Variants in SLC25A13 observed in about 807,000 individuals in gnomAD.
SLC25A13 encodes the protein solute carrier family 25 member 13.
Under a neutral mutation model 85.5 loss-of-function variants are expected in SLC25A13, and 70 were observed. That is an observed-to-expected ratio of 0.82 (90% CI 0.68 to 1.00). The LOEUF (loss-of-function observed/expected upper bound fraction) is 1.00. Among genes scored for constraint, SLC25A13 ranks in the 50% least tolerant of loss-of-function variants. The pLI is 0.00. For synonymous variants in SLC25A13, 259 were observed against 288.7 expected, an observed-to-expected ratio of 0.90 and a Z score of 1.04; for missense variants, 765 against 819.8, an observed-to-expected ratio of 0.93 and a Z score of 0.82.
Position 96,277,233 on chromosome 7 carries a change from C to T in SLC25A13, c.175G>A (p.Glu59Lys), listed in dbSNP as rs543029000. 3 of 1,607,472 alleles carry T rather than the reference C, an allele frequency of 1.9e-6. No individual in the cohort carries two copies. The African/African-American group carries it at 4.0e-5, about 21-fold the overall frequency. Residue 59 changes from glutamate (E) to lysine (K), a missense_variant, in exon 3 of 18, where the codon GAA becomes AAA. Glu to Lys is a moderately conservative substitution (Grantham distance 56). Transcript: ENST00000265631. ...TGATCCACCACTCCACTTAAAAGTT[C>T]CACAGTCTTTGGATTAGGCTGGCTT... ...GESQPNPKTV[E>K]LLSGVVDQTK...
At chr7:96,296,695 G>A (rs1446689722) in intron 2 of SLC25A13, among the ~76,000 whole-genome samples, 2 of 152,030 alleles carry the variant, frequency 1.3e-5, no homozygotes, top group Middle Eastern at 3.2e-3. Flanking sequence ...TGGCCAGGCT[G>A]GTCTCAAACT....
intron 3 of SLC25A13, among the ~76,000 whole-genome samples, chr7:96,273,629 C>A (rs1249750897): frequency 2.6e-5 from 4 of 152,048 alleles, no homozygotes; most frequent in Non-Finnish European, 5.9e-5. Context: ...TGTGTGTGTA[C>A]AAAGACAGCA....
intron 3 of SLC25A13, among the ~76,000 whole-genome samples, chr7:96,237,155 G>C (rs537822527): frequency 3.3e-5 from 5 of 152,302 alleles, no homozygotes; most frequent in African/African-American, 1.2e-4. Flanking sequence ...TGTAAGGCTG[G>C]TAGAGAAAGT....
chr7:96,150,417 G>A (rs1262807770), intron 13 of SLC25A13, among the ~76,000 whole-genome samples: 1 of 151,984 alleles, frequency 6.6e-6, no homozygotes, highest in African/African-American at 2.4e-5. Context: ...CCACTCAAGA[G>A]GTACTTTTTG....
intron 9 of SLC25A13, among the ~76,000 whole-genome samples, chr7:96,187,115 T>G (rs1184716127): frequency 6.6e-6 from 1 of 152,234 alleles, no homozygotes; most frequent in African/African-American, 2.4e-5. Flanking sequence ...GCTGCACTTC[T>G]CTGTCTGCAT....
chr7:96,265,059 T>G (rs1379194016), intron 3 of SLC25A13, among the ~76,000 whole-genome samples: 1 of 152,214 alleles, frequency 6.6e-6, no homozygotes, highest in Non-Finnish European at 1.5e-5. Context: ...TTTAGATAAC[T>G]GGGGATGTTC....
In SLC25A13 at chr7:96,120,557, C is replaced by A. The variant is rs1562772684; in HGVS notation, c.*634G>T. On this transcript the variant is annotated 3_prime_UTR_variant, in exon 18 of 18. Transcript: ENST00000265631. ...ACAGTAAAATGCCAAAAGTACTTCC[C>A]TAAAGTACAAAGGCATTTCCCTAGT... 2.2e-6 allele frequency: 1 copy of A among 454,426 alleles called. No homozygotes were observed. Among genetic ancestry groups the A allele is most frequent in the Non-Finnish European group, 4.4e-6 (1 of 226,772 alleles). 28.1% of individuals were successfully genotyped at this position (454,426 alleles called of 1,614,324 possible).
At chr7:96,243,126 C>T (rs971404215) in intron 3 of SLC25A13, among the ~76,000 whole-genome samples, 4 of 152,116 alleles carry the variant, frequency 2.6e-5, no homozygotes, top group East Asian at 1.9e-4. Context: ...CCACCATCCC[C>T]GGCTAATTTT....
intron 11 of SLC25A13, among the ~76,000 whole-genome samples, chr7:96,173,050 G>A (rs1249559474): frequency 2.0e-5 from 3 of 152,198 alleles, no homozygotes; most frequent in Admixed American, 6.5e-5. Context: ...GAGCCACAGC[G>A]CCCGGCCTCC....
At chr7:96,283,811 T>C (rs1351972266) in intron 2 of SLC25A13, 42 of 72,732 alleles carry the variant, frequency 5.8e-4, no homozygotes, top group African/African-American at 2.2e-3. Flanking sequence ...TCATGGCAAA[T>C]AGGTGTTTAA....
chr7:96,197,993 T>A (rs990951853), intron 5 of SLC25A13, among the ~76,000 whole-genome samples: 4 of 152,198 alleles, frequency 2.6e-5, no homozygotes, highest in Non-Finnish European at 5.9e-5. Context: ...ATGGGCTACC[T>A]TGAAAAGTAG....
At chr7:96,234,039 T>C in intron 4 of SLC25A13, among the ~76,000 whole-genome samples, 1 of 152,200 alleles carries the variant, frequency 6.6e-6, no homozygotes. Context: ...TACTGCAGAT[T>C]TGCATGCAGA....
At chr7:96,248,272 C>T (rs1457033071) in intron 3 of SLC25A13, among the ~76,000 whole-genome samples, 1 of 152,152 alleles carries the variant, frequency 6.6e-6, no homozygotes, top group Admixed American at 6.6e-5. Flanking sequence ...TCAAATGGCA[C>T]TACTACCCGA....
At chr7:96,181,835 A>G (rs1333056591) in intron 11 of SLC25A13, among the ~76,000 whole-genome samples, 1 of 152,218 alleles carries the variant, frequency 6.6e-6, no homozygotes, top group Admixed American at 6.5e-5. Context: ...TAGCAGCAAT[A>G]CTATATTTTC....
At chr7:96,194,902 C>T (rs143471288) in intron 5 of SLC25A13, among the ~76,000 whole-genome samples, 197 of 152,280 alleles carry the variant, frequency 1.3e-3, no homozygotes, top group Non-Finnish European at 2.3e-3. Context: ...CTGCCAGTTT[C>T]GAACCAGCCT....
At chr7:96,193,223 C>T in intron 5 of SLC25A13, 40 bp from the exon 6 acceptor site, 3 of 1,605,398 alleles carry the variant, frequency 1.9e-6, no homozygotes, top group Non-Finnish European at 2.6e-6. Context: ...TTATGCTTCT[C>T]ATTTAATAAT....
chr7:96,315,490 T>C (rs907159688), intron 1 of SLC25A13, among the ~76,000 whole-genome samples: 1 of 152,114 alleles, frequency 6.6e-6, no homozygotes, highest in Non-Finnish European at 1.5e-5. Flanking sequence ...TCATGGGAAT[T>C]TGGACCAATA....
chr7:96,149,080 T>A (rs2116490939), intron 13 of SLC25A13, among the ~76,000 whole-genome samples: 1 of 152,346 alleles, frequency 6.6e-6, no homozygotes, highest in South Asian at 2.1e-4. Context: ...AATTTCTGCA[T>A]CTGTCCTTGC....
chr7:96,280,944 T>G (rs908154435), intron 2 of SLC25A13, among the ~76,000 whole-genome samples: 1 of 152,046 alleles, frequency 6.6e-6, no homozygotes, highest in Admixed American at 6.6e-5. Context: ...CCAACAGAAG[T>G]GTGCATATAC....
Sources: allele counts gnomAD v4.1 joint callset (sites outside exome capture counted in the v4.1 genomes callset), GRCh38; gene constraint gnomAD v4.1.1; transcripts MANE v1.5; gene names NCBI Gene and HGNC (gene_info 2026-07-23, HGNC 2026-07-21).